The following ROBO2 variants were observed in gnomAD, a reference collection of about 807,000 sequenced individuals.
The protein encoded by ROBO2 is roundabout homolog 2.
A neutral mutation model predicts 160.8 loss-of-function variants in ROBO2; 53 were observed. That is an observed-to-expected ratio of 0.33 (90% CI 0.26 to 0.41). ROBO2 has a LOEUF of 0.41. ROBO2 is among the 10% of genes least tolerant of loss of function. The pLI is 1.00. For missense variants in ROBO2, 1,577 were observed against 1,722.4 expected, an observed-to-expected ratio of 0.92 and a Z score of 1.49; for synonymous variants, 664 against 611.7, an observed-to-expected ratio of 1.09 and a Z score of -1.26.
chr3:76,989,572 C>T (rs1229133975), intron 2 of ROBO2, among the ~76,000 whole-genome samples: 13 of 151,700 alleles, frequency 8.6e-5, no homozygotes, highest in Admixed American at 8.6e-4. Flanking sequence ...CTTAGGATGA[C>T]ATTTGAAAAA....
intron 2 of ROBO2, among the ~76,000 whole-genome samples, chr3:77,214,730 T>A (rs1261439968): frequency 6.6e-6 from 1 of 152,204 alleles, no homozygotes; most frequent in East Asian, 1.9e-4. Flanking sequence ...GTTATTCCTT[T>A]CCATGTTTAG....
intron 7 of ROBO2, among the ~76,000 whole-genome samples, chr3:77,548,798 G>A (rs2092801282): frequency 7.4e-6 from 1 of 135,764 alleles, no homozygotes; most frequent in South Asian, 2.3e-4. Flanking sequence ...GGGAGAGAAA[G>A]AGAGAGAGAG....
Position 77,588,628 on chromosome 3 carries a change from G to C in ROBO2, c.2501-123G>C, listed in dbSNP as rs1049295526. 5.4e-5 allele frequency: 49 copies of C among 905,128 alleles called. 1 individual carries two copies. Among genetic ancestry groups the C allele is most frequent in the South Asian group, 4.8e-4 (32 of 67,050 alleles). 56.1% of individuals were successfully genotyped at this position (905,128 alleles called of 1,614,324 possible). A position where few individuals can be genotyped will look rare whatever the true frequency, so the allele number is the denominator to read the frequency against. On this transcript the variant is annotated intron_variant, in intron 16 of 25. Transcript: ENST00000461745. Reference sequence around the variant, plus strand: ...CTATGCTTATCAATACTTGTGATAGGCTCAAAACTAAACAAGCATTTCCTG... The same window carrying C: ...CTATGCTTATCAATACTTGTGATAGCCTCAAAACTAAACAAGCATTTCCTG...
At chr3:77,200,921 A>G (rs1405656872) in intron 2 of ROBO2, among the ~76,000 whole-genome samples, 1 of 152,146 alleles carries the variant, frequency 6.6e-6, no homozygotes, top group Non-Finnish European at 1.5e-5. Context: ...GGCAATGCAT[A>G]AGTACACAGT....
intron 2 of ROBO2, among the ~76,000 whole-genome samples, chr3:76,797,031 A>C (rs1489796572): frequency 3.3e-5 from 5 of 152,160 alleles, no homozygotes; most frequent in Non-Finnish European, 7.4e-5. Flanking sequence ...TGAGAAGTGG[A>C]CAGATCATCC....
intron 24 of ROBO2, among the ~76,000 whole-genome samples, chr3:77,640,405 C>T (rs1306229758): frequency 1.3e-5 from 2 of 152,130 alleles, no homozygotes; most frequent in Admixed American, 6.5e-5. Context: ...TGAGCCACTG[C>T]GCCCGGCCGC....
At chr3:77,506,978 G>A (rs903756948) in intron 5 of ROBO2, among the ~76,000 whole-genome samples, 3 of 152,110 alleles carry the variant, frequency 2.0e-5, no homozygotes, top group Admixed American at 1.3e-4. Context: ...AATGATTTGA[G>A]ATGAATGTAT....
chr3:76,635,896 G>T (rs1245592438), intron 2 of ROBO2, among the ~76,000 whole-genome samples: 1 of 152,210 alleles, frequency 6.6e-6, no homozygotes, highest in Non-Finnish European at 1.5e-5. Context: ...CCCTGGGGCT[G>T]CTCTGGACCA....
At chr3:76,757,691 TGG>T (rs2061059271) in intron 2 of ROBO2, among the ~76,000 whole-genome samples, 2 of 151,684 alleles carry the variant, frequency 1.3e-5, no homozygotes, top group African/African-American at 4.8e-5. Flanking sequence ...TCTGAAACAG[TGG>T]GGGAGGGAAA....
chr3:75,975,366 T>C (rs770222230), intron 2 of ROBO2, among the ~76,000 whole-genome samples: 23 of 151,434 alleles, frequency 1.5e-4, no homozygotes, highest in Non-Finnish European at 3.4e-4. Context: ...GACTAAGATA[T>C]TTGAATATTT....
At chr3:76,483,415 C>T (rs551663718) in intron 2 of ROBO2, among the ~76,000 whole-genome samples, 2 of 151,564 alleles carry the variant, frequency 1.3e-5, no homozygotes, top group Admixed American at 6.6e-5. Flanking sequence ...TGATTGATTC[C>T]ATCACCCAGG....
At chr3:76,650,491 T>TG (rs1560305543) in intron 2 of ROBO2, among the ~76,000 whole-genome samples, 1 of 151,746 alleles carries the variant, frequency 6.6e-6, no homozygotes, top group Non-Finnish European at 1.5e-5. Flanking sequence ...CTTTTTTTTT[T>TG]TATTTTTTTC....
chr3:76,518,153 CAAT>C (rs893098951), intron 2 of ROBO2, among the ~76,000 whole-genome samples: 3 of 151,996 alleles, frequency 2.0e-5, no homozygotes, highest in African/African-American at 7.2e-5. Context: ...AAAACAGAAA[CAAT>C]AATGACACAC....
chr3:76,349,012 G>A (rs2074708973), intron 2 of ROBO2, among the ~76,000 whole-genome samples: 1 of 152,014 alleles, frequency 6.6e-6, no homozygotes, highest in Admixed American at 6.6e-5. Flanking sequence ...GTTATACATG[G>A]CAACTTTAAT....
chr3:77,372,091 T>A (rs2071839022), intron 2 of ROBO2, among the ~76,000 whole-genome samples: 1 of 151,552 alleles, frequency 6.6e-6, no homozygotes, highest in African/African-American at 2.4e-5. Context: ...AAAGAAAGAA[T>A]TTAGAGACTG....
At chr3:77,477,393 C>T in intron 2 of ROBO2, 21 bp from the exon 3 acceptor site, 2 of 1,543,642 alleles carry the variant, frequency 1.3e-6, no homozygotes, top group Non-Finnish European at 1.8e-6. Flanking sequence ...GTTTTCTTTT[C>T]CTGTAATTAT....
chr3:77,275,845 GA>G (rs1249557158), intron 2 of ROBO2, among the ~76,000 whole-genome samples: 1 of 152,110 alleles, frequency 6.6e-6, no homozygotes, highest in Non-Finnish European at 1.5e-5. Flanking sequence ...AGTTATAGAT[GA>G]AATGCCAGGT....
intron 6 of ROBO2, among the ~76,000 whole-genome samples, chr3:77,540,210 T>G (rs577964849): frequency 6.6e-6 from 1 of 152,290 alleles, no homozygotes; most frequent in African/African-American, 2.4e-5. Context: ...AAGTAATGGG[T>G]TTTATGCTAC....
chr3:76,761,331 A>G (rs1297006405), intron 2 of ROBO2, among the ~76,000 whole-genome samples: 1 of 151,712 alleles, frequency 6.6e-6, no homozygotes, highest in Admixed American at 6.6e-5. Flanking sequence ...TTTCTATTGG[A>G]TGAGCATTTA....
Sources: allele counts gnomAD v4.1 joint callset (sites outside exome capture counted in the v4.1 genomes callset), GRCh38; gene constraint gnomAD v4.1.1; transcripts MANE v1.5; gene names NCBI Gene and HGNC (gene_info 2026-07-23, HGNC 2026-07-21).